Variants in RBFOX1 observed in about 807,000 individuals in gnomAD.
The protein encoded by RBFOX1 is RNA binding protein fox-1 homolog 1.
Under a neutral mutation model 57.7 loss-of-function variants are expected in RBFOX1, and 8 were observed. The observed-to-expected ratio is 0.14, with a 90% CI of 0.08 to 0.25. The LOEUF (loss-of-function observed/expected upper bound fraction) is 0.25, where lower values mean the gene tolerates loss of function less well. RBFOX1 is among the 10% of genes least tolerant of loss of function. The pLI, the probability that RBFOX1 is intolerant of heterozygous loss-of-function variation, is 1.00. For synonymous variants in RBFOX1, 326 were observed against 222.4 expected, an observed-to-expected ratio of 1.47 and a Z score of -4.15; for missense variants, 611 against 548.5, an observed-to-expected ratio of 1.11 and a Z score of -1.14.
intron 3 of RBFOX1, among the ~76,000 whole-genome samples, chr16:5,669,632 A>G (rs1007781212): frequency 7.2e-5 from 11 of 151,982 alleles, no homozygotes; most frequent in Middle Eastern, 3.2e-3. Context: ...GTTGGCCAGG[A>G]TGGTCTTGTT....
At chr16:6,254,237 C>G (rs1049386408) in intron 1 of RBFOX1, among the ~76,000 whole-genome samples, 2 of 152,092 alleles carry the variant, frequency 1.3e-5, no homozygotes, top group African/African-American at 4.8e-5. Flanking sequence ...TGCAGTGAGC[C>G]TGGATCCATG....
At chr16:5,790,359 C>T (rs962627303) in intron 3 of RBFOX1, among the ~76,000 whole-genome samples, 1 of 152,034 alleles carries the variant, frequency 6.6e-6, no homozygotes, top group African/African-American at 2.4e-5. Flanking sequence ...TTCCATTGTC[C>T]AAGGTGCAGA....
intron 1 of RBFOX1, among the ~76,000 whole-genome samples, chr16:6,277,306 C>T (rs555191449): frequency 3.3e-5 from 5 of 151,042 alleles, no homozygotes; most frequent in East Asian, 2.0e-4. Context: ...ACCAAAAATA[C>T]GAAACTTAGC....
At chr16:6,905,705 C>T (rs932747426) in intron 3 of RBFOX1, among the ~76,000 whole-genome samples, 8 of 152,160 alleles carry the variant, frequency 5.3e-5, no homozygotes, top group African/African-American at 1.7e-4. Flanking sequence ...TTAATCATCC[C>T]TGTTAGAAAG....
chr16:5,309,852 C>T (rs2064036400), intron 1 of RBFOX1, among the ~76,000 whole-genome samples: 1 of 152,182 alleles, frequency 6.6e-6, no homozygotes, highest in Admixed American at 6.5e-5. Context: ...GACTTTGTTT[C>T]CCTGCCTGGC....
At chr16:5,804,969 G>A (rs114077263) in intron 3 of RBFOX1, among the ~76,000 whole-genome samples, 4 of 152,150 alleles carry the variant, frequency 2.6e-5, no homozygotes, top group Admixed American at 2.6e-4. Flanking sequence ...TAAAACTGCA[G>A]TATATTGGAA....
At chr16:5,951,083 T>G (rs987638735) in intron 4 of RBFOX1, among the ~76,000 whole-genome samples, 1 of 152,090 alleles carries the variant, frequency 6.6e-6, no homozygotes, top group African/African-American at 2.4e-5. Context: ...AGGTGGCGAT[T>G]TGGGGGCCTC....
chr16:6,927,952 G>A (rs892296177), intron 3 of RBFOX1, among the ~76,000 whole-genome samples: 1 of 152,142 alleles, frequency 6.6e-6, no homozygotes, highest in Non-Finnish European at 1.5e-5. Context: ...AATCTTGAAG[G>A]TAGTTGCATC....
intron 1 of RBFOX1, among the ~76,000 whole-genome samples, chr16:5,386,825 C>T (rs562932359): frequency 3.3e-4 from 50 of 152,230 alleles, no homozygotes; most frequent in African/African-American, 1.1e-3. Context: ...CCAAGGTGGG[C>T]GGATCACCTG....
At chr16:6,924,912 C>G (rs2075256405) in intron 3 of RBFOX1, among the ~76,000 whole-genome samples, 1 of 144,386 alleles carries the variant, frequency 6.9e-6, no homozygotes, top group Non-Finnish European at 1.5e-5. Flanking sequence ...TGTTCAATTC[C>G]TACCTATGAG....
chr16:7,367,564 A>T (rs2097479850), intron 4 of RBFOX1, among the ~76,000 whole-genome samples: 1 of 152,194 alleles, frequency 6.6e-6, no homozygotes, highest in South Asian at 2.1e-4. Flanking sequence ...TTAATGGAAG[A>T]GATGGAAATC....
At chr16:6,113,934 C>T (rs960656215) in intron 1 of RBFOX1, among the ~76,000 whole-genome samples, 3 of 152,158 alleles carry the variant, frequency 2.0e-5, no homozygotes, top group Admixed American at 6.5e-5. Flanking sequence ...CGATCTGATA[C>T]TCTAGGGCTG....
At chr16:5,293,519 C>G (rs893017235) in intron 1 of RBFOX1, among the ~76,000 whole-genome samples, 10 of 152,218 alleles carry the variant, frequency 6.6e-5, no homozygotes, top group African/African-American at 2.2e-4. Flanking sequence ...TACCAAGGCT[C>G]TCTCTCACTT....
At chr16:6,738,660 T>C (rs552658150) in intron 3 of RBFOX1, among the ~76,000 whole-genome samples, 16 of 152,234 alleles carry the variant, frequency 1.1e-4, no homozygotes, top group African/African-American at 3.6e-4. Context: ...TACAGAACCC[T>C]TTACCCCAAA....
chr16:6,789,705 C>T (rs550158762), intron 3 of RBFOX1, among the ~76,000 whole-genome samples: 3 of 152,192 alleles, frequency 2.0e-5, no homozygotes, highest in South Asian at 2.1e-4. Flanking sequence ...TTCATTTTCT[C>T]CATGTCTTCG....
intron 3 of RBFOX1, among the ~76,000 whole-genome samples, chr16:5,779,792 C>A (rs7204002): frequency 1.3e-5 from 2 of 151,998 alleles, no homozygotes; most frequent in African/African-American, 4.8e-5. Context: ...CAGGAGGCCA[C>A]GACTGTCTTG....
intron 2 of RBFOX1, among the ~76,000 whole-genome samples, chr16:6,317,458 A>G (rs1289845302): frequency 6.6e-6 from 1 of 152,142 alleles, no homozygotes; most frequent in Non-Finnish European, 1.5e-5. Context: ...TCAGTTACCG[A>G]GAGCATGTAT....
chr16:7,662,161 C>T (rs1281896237), intron 12 of RBFOX1, among the ~76,000 whole-genome samples: 1 of 152,208 alleles, frequency 6.6e-6, no homozygotes, highest in African/African-American at 2.4e-5. Context: ...TTCTCTCCGT[C>T]ATTTACAGAA....
intron 1 of RBFOX1, among the ~76,000 whole-genome samples, chr16:6,187,548 G>C (rs1397313481): frequency 6.6e-6 from 1 of 152,130 alleles, no homozygotes; most frequent in Non-Finnish European, 1.5e-5. Flanking sequence ...ATTGTGTAAG[G>C]TGTCTCTGGA....
Sources: allele counts gnomAD v4.1 joint callset (sites outside exome capture counted in the v4.1 genomes callset), GRCh38; gene constraint gnomAD v4.1.1; transcripts MANE v1.5; gene names NCBI Gene and HGNC (gene_info 2026-07-23, HGNC 2026-07-21).